Variants in CAMTA1 observed in about 807,000 individuals in gnomAD.
The protein encoded by CAMTA1 is calmodulin-binding transcription activator 1.
In CAMTA1, 27 loss-of-function variants were observed where a neutral mutation model predicts 170.9. That is an observed-to-expected ratio of 0.16 (90% CI 0.12 to 0.22). CAMTA1 has a LOEUF of 0.22. Ranked by LOEUF, CAMTA1 falls within the 10% of genes least tolerant of loss-of-function variation. The pLI, the probability that CAMTA1 is intolerant of heterozygous loss-of-function variation, is 1.00. For synonymous variants in CAMTA1, 833 were observed against 891.5 expected, an observed-to-expected ratio of 0.93 and a Z score of 1.17; for missense variants, 1,619 against 2,217.2, an observed-to-expected ratio of 0.73 and a Z score of 5.42.
chr1:6,895,655 T>G (rs1675478680), intron 3 of CAMTA1, among the ~76,000 whole-genome samples: 1 of 152,242 alleles, frequency 6.6e-6, no homozygotes, highest in African/African-American at 2.4e-5. Flanking sequence ...GGGGAATCCA[T>G]CAAACATGAT....
At position 7,443,402 on chromosome 1, in the gene CAMTA1, G is replaced by A. The variant is rs528659096; in HGVS notation, c.439-24428G>A. 1.3e-5 allele frequency among the ~76,000 whole-genome samples: 2 copies of A among 152,326 alleles called. No homozygotes were observed. Among genetic ancestry groups the A allele is most frequent in the African/African-American group, 4.8e-5 (2 of 41,570 alleles). ...CATCAAGGTGGCCTTGGGAGCACGT[G>A]GAGATGATGATAGCCATGTCAGACG... On this transcript the variant is annotated intron_variant, in intron 5 of 22. Coordinates refer to ENST00000303635, the MANE Select transcript of CAMTA1 (RefSeq NM_015215.4). The surrounding 1 kb of genome is among the most constrained non-coding windows in gnomAD (Gnocchi z 4.1).
intron 5 of CAMTA1, among the ~76,000 whole-genome samples, chr1:7,424,129 G>C (rs1407394480): frequency 6.6e-6 from 1 of 152,184 alleles, no homozygotes; most frequent in Non-Finnish European, 1.5e-5. Flanking sequence ...CTCTGTGCTT[G>C]TGGCTGTCTT....
chr1:7,586,263 G>C (rs2095309059), intron 6 of CAMTA1, among the ~76,000 whole-genome samples: 1 of 152,212 alleles, frequency 6.6e-6, no homozygotes, highest in East Asian at 1.9e-4. Context: ...AAGCCTCGAG[G>C]GCTGGCTGTG....
chr1:6,875,407 T>C (rs1341513600), intron 3 of CAMTA1, among the ~76,000 whole-genome samples: 4 of 152,160 alleles, frequency 2.6e-5, no homozygotes, highest in Admixed American at 2.0e-4. Flanking sequence ...TTCTCCTGCC[T>C]GAGTAGCTGG....
chr1:6,796,951 G>C (rs758159019), intron 1 of CAMTA1, among the ~76,000 whole-genome samples: 6 of 152,142 alleles, frequency 3.9e-5, no homozygotes, highest in Admixed American at 6.5e-5. Context: ...CAATTGCCAA[G>C]AAACATTTAG....
intron 5 of CAMTA1, among the ~76,000 whole-genome samples, chr1:7,387,483 G>A (rs375441783): frequency 2.6e-5 from 4 of 152,282 alleles, no homozygotes; most frequent in Admixed American, 2.6e-4. Flanking sequence ...CTTCACGGCT[G>A]CAGCTGCCCC....
At position 7,751,355 on chromosome 1, in the gene CAMTA1, G is replaced by T. The variant is rs749382173; in HGVS notation, c.4846G>T (p.Ala1616Ser). 7.5e-6 allele frequency: 12 copies of T among 1,609,342 alleles called. No homozygotes were observed. In the South Asian group the frequency reaches 1.3e-4, roughly 18 times the overall value. ...SYKKCGKRRQARRTAVIVQQK... is the reference protein window; with the variant it reads ...SYKKCGKRRQSRRTAVIVQQK... The stretch of plus-strand genomic sequence containing the variant: ...TAAGAAATGTGGCAAAAGACGGCAG[G>T]CTCGCCGGACGGCTGTGATTGTACA... Residue 1616 changes from alanine (A) to serine (S), a missense_variant, in exon 20 of 23, where the codon GCT becomes TCT. Ala to Ser is a moderately conservative substitution (Grantham distance 99). This residue lies in a region of CAMTA1 where 128 missense variants were observed against 213.5 expected (regional missense o/e 0.60). Coordinates refer to ENST00000303635, the MANE Select transcript of CAMTA1 (RefSeq NM_015215.4).
At chr1:7,332,481 C>T (rs1218146144) in intron 5 of CAMTA1, among the ~76,000 whole-genome samples, 1 of 152,190 alleles carries the variant, frequency 6.6e-6, no homozygotes, top group Non-Finnish European at 1.5e-5. Context: ...ACACCTAACT[C>T]GCTCTGAAGA....
At chr1:7,264,443 T>C (rs11120890) in intron 5 of CAMTA1, among the ~76,000 whole-genome samples, 60,854 of 152,086 alleles carry the variant, frequency 0.4, 12,420 homozygotes, top group South Asian at 0.58. Flanking sequence ...GTCAAGGACC[T>C]TGGTCAGACT....
intron 5 of CAMTA1, among the ~76,000 whole-genome samples, chr1:7,442,492 C>T (rs375901199): frequency 2.0e-5 from 3 of 152,214 alleles, no homozygotes; most frequent in East Asian, 1.9e-4. Context: ...ACCAATGGCC[C>T]GGTTGTATTC....
chr1:7,208,600 G>GTT (rs1184363227), intron 4 of CAMTA1, among the ~76,000 whole-genome samples: 1 of 152,234 alleles, frequency 6.6e-6, no homozygotes, highest in Admixed American at 6.5e-5. Context: ...GCACCTCTGT[G>GTT]TTTTGCTCTT....
chr1:7,289,278 T>G, intron 5 of CAMTA1, among the ~76,000 whole-genome samples: 2 of 150,276 alleles, frequency 1.3e-5, no homozygotes, highest in African/African-American at 2.5e-5. Flanking sequence ...AGGGTGGGAG[T>G]TTTCCAGCCT....
At chr1:7,480,329 G>A (rs2093504616) in intron 6 of CAMTA1, among the ~76,000 whole-genome samples, 1 of 151,396 alleles carries the variant, frequency 6.6e-6, no homozygotes, top group Non-Finnish European at 1.5e-5. Context: ...GTGTGTGTAT[G>A]AGTGCATGTA....
chr1:6,787,110 A>C (rs974395914), intron 1 of CAMTA1, among the ~76,000 whole-genome samples: 1 of 152,216 alleles, frequency 6.6e-6, no homozygotes, highest in Non-Finnish European at 1.5e-5. Flanking sequence ...GAGAACTCAT[A>C]TCCTCCTCTG....
intron 5 of CAMTA1, among the ~76,000 whole-genome samples, chr1:7,361,098 T>C (rs1250623480): frequency 2.0e-5 from 3 of 152,238 alleles, no homozygotes; most frequent in Non-Finnish European, 4.4e-5. Flanking sequence ...CTTCCGTTGC[T>C]GCCGGCCTGC....
chr1:7,530,531 TC>T (rs1007543563), intron 6 of CAMTA1, among the ~76,000 whole-genome samples: 2 of 151,960 alleles, frequency 1.3e-5, no homozygotes, highest in African/African-American at 4.8e-5. Flanking sequence ...CTCCCAGCAG[TC>T]CCGGGGGTGG....
chr1:7,391,122 C>T (rs1407062643), intron 5 of CAMTA1, among the ~76,000 whole-genome samples: 3 of 152,126 alleles, frequency 2.0e-5, no homozygotes, highest in Non-Finnish European at 4.4e-5. Flanking sequence ...CTCAGCCTCC[C>T]GAGTAGCCGG....
chr1:7,682,654 A>T lies in CAMTA1; in HGVS notation c.2914+4921A>T, dbSNP rs548065079. On this transcript the variant is annotated intron_variant, in intron 11 of 22. Coordinates refer to ENST00000303635, the MANE Select transcript of CAMTA1 (RefSeq NM_015215.4). The surrounding 1 kb of genome is among the most constrained non-coding windows in gnomAD (Gnocchi z 5.0). ...ACACTGTCCCAGAGTCCAGGGGTAC[A>T]TTCCAGGGACAGTGGGAAAGGCCAT... 3.9e-4 allele frequency among the ~76,000 whole-genome samples: 59 copies of T among 152,328 alleles called. 1 individual carries two copies. Among genetic ancestry groups the T allele is most frequent in the Admixed American group, 9.1e-4 (14 of 15,306 alleles).
chr1:6,960,918 T>C (rs1201720503), intron 3 of CAMTA1, among the ~76,000 whole-genome samples: 1 of 152,220 alleles, frequency 6.6e-6, no homozygotes, highest in Non-Finnish European at 1.5e-5. Context: ...GTTAGTTCTA[T>C]GATGAGCCTG....
Sources: allele counts gnomAD v4.1 joint callset (sites outside exome capture counted in the v4.1 genomes callset), GRCh38; gene constraint gnomAD v4.1.1; regional missense constraint gnomAD v4.1.1; non-coding constraint Gnocchi (gnomAD v3.1); transcripts MANE v1.5; gene names NCBI Gene and HGNC (gene_info 2026-07-23, HGNC 2026-07-21).